The following STX8 variants were observed in gnomAD, a reference collection of about 807,000 sequenced individuals.
STX8 encodes the protein syntaxin 8.
Under a neutral mutation model 37.5 loss-of-function variants are expected in STX8, and 23 were observed. The ratio of observed to expected loss-of-function variants is 0.61; its 90% confidence interval spans 0.44 to 0.87. The LOEUF is 0.87. Among genes scored for constraint, STX8 ranks in the 40% least tolerant of loss-of-function variants. The probability of loss-of-function intolerance (pLI) is 0.00; values close to 1 mark genes in which losing one functional copy is unlikely to be tolerated. For synonymous variants in STX8, 115 were observed against 99.1 expected (o/e 1.16, Z -0.95); for missense variants, 313 against 284.7 (o/e 1.10, Z -0.71).
chr17:9,407,033 T>C (rs1377763535), intron 6 of STX8, among the ~76,000 whole-genome samples: 3 of 152,130 alleles, frequency 2.0e-5, no homozygotes, highest in Non-Finnish European at 4.4e-5. Flanking sequence ...AAAGTGAAAA[T>C]TAAATTTTAA....
chr17:9,545,411 G>A lies in STX8; in HGVS notation c.213-129C>T, dbSNP rs74968083. 1.9e-3 allele frequency: 1,221 copies of A among 652,566 alleles called. 16 individuals are homozygous for A. The African/African-American group carries it at 0.02, about 11-fold the overall frequency. 40.4% of individuals were successfully genotyped at this position (652,566 alleles called of 1,614,324 possible). On this transcript the variant is annotated intron_variant, in intron 3 of 7. Transcript: ENST00000306357. The stretch of plus-strand genomic sequence containing the variant: ...AATCACTACTACCCAGAAGGGATGC[G>A]CACCACTCTTGCGTTTTTCCTGCTC...
At chr17:9,302,906 G>C (rs1169056447) in intron 7 of STX8, among the ~76,000 whole-genome samples, 1 of 149,472 alleles carries the variant, frequency 6.7e-6, no homozygotes, top group African/African-American at 2.5e-5. Context: ...AGTGGTTGTA[G>C]AACTATTTAT....
At chr17:9,284,448 T>C (rs1476663375) in intron 7 of STX8, among the ~76,000 whole-genome samples, 1 of 152,212 alleles carries the variant, frequency 6.6e-6, no homozygotes, top group Admixed American at 6.5e-5. Flanking sequence ...TCTCAATTCA[T>C]ACAGCATTCA....
In STX8 at chr17:9,371,509, G is replaced by A. The variant is rs548076873; in HGVS notation, c.643+7043C>T. Among the ~76,000 whole-genome samples, 8 of 152,230 alleles carry A rather than the reference G, an allele frequency of 5.3e-5. No individual in the cohort carries two copies. The South Asian group carries it at 1.7e-3, about 32-fold the overall frequency. On this transcript the variant is annotated intron_variant, in intron 7 of 7. Coordinates refer to ENST00000306357, the MANE Select transcript of STX8 (RefSeq NM_004853.3). ...GAGAAGAGCAGGTGGTTAACTCTTC[G>A]CTGTATCTCGAAGCTCTTGCACCAA...
At chr17:9,479,606 G>T (rs1451112439) in intron 6 of STX8, among the ~76,000 whole-genome samples, 9 of 148,210 alleles carry the variant, frequency 6.1e-5, no homozygotes, top group African/African-American at 2.2e-4. Flanking sequence ...TTTAAGTATA[G>T]ATGTATTTTA....
intron 6 of STX8, among the ~76,000 whole-genome samples, chr17:9,392,988 C>T (rs1912277304): frequency 6.6e-6 from 1 of 152,150 alleles, no homozygotes; most frequent in Non-Finnish European, 1.5e-5. Context: ...CATACACCTA[C>T]ATATTTGAGA....
rs78967846 is a variant in STX8 at position 9,289,793 on chromosome 17, C to A, written c.644-39148G>T. Among the ~76,000 whole-genome samples, 22 of 120,932 alleles carry A rather than the reference C, an allele frequency of 1.8e-4. No homozygotes were observed. In the East Asian group the frequency reaches 4.9e-3, roughly 27 times the overall value. 79.3% of individuals were successfully genotyped at this position (120,932 alleles called of 152,430 possible). A position where few individuals can be genotyped will look rare whatever the true frequency, so the allele number is the denominator to read the frequency against. ...AGACTCCGTCTCAAAAAAACAAAAA[C>A]AAAACAAAACACACAAAGGGAAAAA... On this transcript the variant is annotated intron_variant, in intron 7 of 7. Coordinates refer to ENST00000306357, the MANE Select transcript of STX8 (RefSeq NM_004853.3).
At chr17:9,308,549 C>G (rs895713796) in intron 7 of STX8, among the ~76,000 whole-genome samples, 1 of 151,824 alleles carries the variant, frequency 6.6e-6, no homozygotes. Context: ...ATGGTGAAAC[C>G]CTGTCTCTAC....
chr17:9,416,747 G>A (rs1555525324), intron 6 of STX8, among the ~76,000 whole-genome samples: 1 of 151,728 alleles, frequency 6.6e-6, no homozygotes, highest in Non-Finnish European at 1.5e-5. Context: ...AACCACCTTT[G>A]AAAAAAAACT....
chr17:9,541,861 G>A (rs1350262357), intron 4 of STX8, among the ~76,000 whole-genome samples: 1 of 152,148 alleles, frequency 6.6e-6, no homozygotes, highest in Non-Finnish European at 1.5e-5. Flanking sequence ...TAGGTCTCAT[G>A]ACTAGTACAC....
At chr17:9,341,275 C>T (rs971923880) in intron 7 of STX8, among the ~76,000 whole-genome samples, 6 of 152,190 alleles carry the variant, frequency 3.9e-5, no homozygotes, top group African/African-American at 1.4e-4. Flanking sequence ...ACTGCAGCCT[C>T]ACTCCTTTCT....
intron 6 of STX8, 71 bp from the exon 7 acceptor site, chr17:9,378,724 T>TG: frequency 8.6e-7 from 1 of 1,165,550 alleles, no homozygotes; most frequent in Non-Finnish European, 1.3e-6. Context: ...ACAGCTGTGG[T>TG]TGTTCATCCT....
In STX8 at chr17:9,369,290, C is replaced by T. The variant is rs1030342478; in HGVS notation, c.643+9262G>A. Among the ~76,000 whole-genome samples the T allele has an allele frequency of 2.6e-5, 4 of 152,110 alleles. No individual in the cohort carries two copies. The South Asian group carries it at 8.3e-4, about 32-fold the overall frequency. Reference sequence around the variant, plus strand: ...AAGGATGACACAGCGGGTACAGAGACAGACACACAAGAATGTAAAGAAAAA... The same window carrying T: ...AAGGATGACACAGCGGGTACAGAGATAGACACACAAGAATGTAAAGAAAAA... On this transcript the variant is annotated intron_variant, in intron 7 of 7. Transcript: ENST00000306357.
chr17:9,482,311 G>T (rs138658999), intron 6 of STX8, among the ~76,000 whole-genome samples: 14 of 151,868 alleles, frequency 9.2e-5, no homozygotes, highest in Admixed American at 2.6e-4. Context: ...CAAGTTAAAT[G>T]AATAAAGAAA....
At chr17:9,451,992 A>T (rs1311212620) in intron 6 of STX8, among the ~76,000 whole-genome samples, 1 of 152,224 alleles carries the variant, frequency 6.6e-6, no homozygotes, top group African/African-American at 2.4e-5. Flanking sequence ...GATTTATTGC[A>T]ATCTCTCTTA....
chr17:9,394,884 T>C (rs1174369829), intron 6 of STX8, among the ~76,000 whole-genome samples: 1 of 150,942 alleles, frequency 6.6e-6, no homozygotes, highest in Admixed American at 6.6e-5. Context: ...TGGCCTGGCC[T>C]GGCCGACATG....
chr17:9,440,396 C>CT (rs1904598714), intron 6 of STX8, among the ~76,000 whole-genome samples: 1 of 152,116 alleles, frequency 6.6e-6, no homozygotes, highest in Non-Finnish European at 1.5e-5. Flanking sequence ...AATGTGTCCC[C>CT]TGCTTTTCAT....
At chr17:9,522,444 T>C (rs560956666) in intron 4 of STX8, among the ~76,000 whole-genome samples, 1 of 146,810 alleles carries the variant, frequency 6.8e-6, no homozygotes, top group African/African-American at 2.5e-5. Flanking sequence ...ACGCCTATAA[T>C]CCCAGCACTT....
At chr17:9,336,656 G>A (rs113658327) in intron 7 of STX8, among the ~76,000 whole-genome samples, 18 of 152,048 alleles carry the variant, frequency 1.2e-4, no homozygotes, top group African/African-American at 3.4e-4. Flanking sequence ...GGCTGGTGTC[G>A]AACTCCTGAT....
Sources: gnomAD v4.1 joint callset for allele counts (sites outside exome capture counted in the v4.1 genomes callset) on GRCh38, gnomAD v4.1.1 for gene constraint, MANE v1.5 for transcripts, NCBI Gene and HGNC (gene_info 2026-07-23, HGNC 2026-07-21) for gene names.